SLC16A6: variants seen among roughly 807,000 people sequenced by gnomAD.
The protein encoded by SLC16A6 is monocarboxylate transporter 7.
In SLC16A6, 15 loss-of-function variants were observed where a neutral mutation model predicts 33.8. The ratio of observed to expected loss-of-function variants is 0.44; its 90% confidence interval spans 0.30 to 0.68. The LOEUF is 0.68. Among genes scored for constraint, SLC16A6 ranks in the 30% least tolerant of loss-of-function variants. The pLI is 0.10. For synonymous variants in SLC16A6, 219 were observed against 248.4 expected (o/e 0.88, Z 1.11); for missense variants, 451 against 661.5 (o/e 0.68, Z 3.49).
At chr17:68,283,568 C>T (rs1163264405) in intron 1 of SLC16A6, among the ~76,000 whole-genome samples, 2 of 151,626 alleles carry the variant, frequency 1.3e-5, no homozygotes, top group Admixed American at 1.3e-4. Context: ...CCTGTAATCC[C>T]AGCACACTTT....
At chr17:68,282,052 G>A (rs55904835) in intron 1 of SLC16A6, among the ~76,000 whole-genome samples, 2,256 of 152,200 alleles carry the variant, frequency 0.015, 55 homozygotes, top group African/African-American at 0.052. Context: ...ACATGCACAC[G>A]TATGTTTATT....
intron 1 of SLC16A6, 115 bp downstream of exon 1, chr17:68,290,971 T>G (rs1555755653): frequency 6.6e-6 from 1 of 152,060 alleles, no homozygotes; most frequent in Non-Finnish European, 1.5e-5. Context: ...GTGAAGATGT[T>G]CAGTGGTCTC....
At chr17:68,289,011 G>A (rs1555755016) in intron 1 of SLC16A6, among the ~76,000 whole-genome samples, 1 of 152,166 alleles carries the variant, frequency 6.6e-6, no homozygotes, top group East Asian at 1.9e-4. Flanking sequence ...CGGGCAGTTT[G>A]GAGGATTTCC....
Position 68,271,667 on chromosome 17 carries a change from G to T in SLC16A6, c.506-13C>A, listed in dbSNP as rs782663213. 14 of 1,603,024 alleles carry T rather than the reference G, an allele frequency of 8.7e-6. No individual in the cohort carries two copies. The South Asian group carries it at 1.5e-4, about 18-fold the overall frequency. On this transcript the variant is annotated splice_polypyrimidine_tract_variant and intron_variant, in intron 4 of 5. Coordinates refer to ENST00000580666, the MANE Select transcript of SLC16A6 (RefSeq NM_004694.5). The surrounding 1 kb of genome is among the most constrained non-coding windows in gnomAD (Gnocchi z 5.3). Reference sequence around the variant, plus strand: ...AGAGCCATGATTGCTTGAATAGGCAGGAGTGAAGAAGAAATAATATAAGGT... The same window carrying T: ...AGAGCCATGATTGCTTGAATAGGCATGAGTGAAGAAGAAATAATATAAGGT...
At chr17:68,280,709 T>C (rs1374093547) in intron 1 of SLC16A6, among the ~76,000 whole-genome samples, 4 of 152,180 alleles carry the variant, frequency 2.6e-5, no homozygotes, top group Non-Finnish European at 4.4e-5. Flanking sequence ...GGGGAAACAC[T>C]TTAGGACATT....
At chr17:68,277,199 T>C (rs2075551640) in intron 2 of SLC16A6, among the ~76,000 whole-genome samples, 1 of 152,054 alleles carries the variant, frequency 6.6e-6, no homozygotes, top group Non-Finnish European at 1.5e-5. Context: ...TGGCATGATC[T>C]GGGCTTACTG....
intron 5 of SLC16A6, 58 bp downstream of exon 5, chr17:68,270,781 C>A: frequency 7.0e-7 from 1 of 1,424,704 alleles, no homozygotes; most frequent in Non-Finnish European, 9.5e-7. Flanking sequence ...GAACAGGAAG[C>A]TAGCACAATT....
chr17:68,272,467 T>C (rs2075372848), intron 4 of SLC16A6, among the ~76,000 whole-genome samples, 172 bp downstream of exon 4: 1 of 152,010 alleles, frequency 6.6e-6, no homozygotes. Context: ...ATACCTAAAG[T>C]GGGGGTTAGG....
chr17:68,284,107 A>AC (rs2145149786), intron 1 of SLC16A6, among the ~76,000 whole-genome samples: 1 of 149,128 alleles, frequency 6.7e-6, no homozygotes, highest in South Asian at 2.1e-4. Flanking sequence ...CTGTCTCAAA[A>AC]AAAAAAAAAA....
chr17:68,274,082 G>T lies in SLC16A6; in HGVS notation c.233-12C>A. On this transcript the variant is annotated splice_polypyrimidine_tract_variant and intron_variant, in intron 2 of 5. Coordinates refer to ENST00000580666, the MANE Select transcript of SLC16A6 (RefSeq NM_004694.5). ...TGTGGCGAGGGGAGCTGCCGGGAAA[G>T]AACAAAACGATATTTTAACTCACAG... 1 of 1,608,896 alleles carries T rather than the reference G, an allele frequency of 6.2e-7. No homozygotes were observed.
In SLC16A6 at chr17:68,271,192, C is replaced by A. The variant is rs1831171567; in HGVS notation, c.968G>T (p.Gly323Val). 6.2e-7 allele frequency: 1 copy of A among 1,613,866 alleles called. No homozygotes were observed. The highest frequency in any genetic ancestry group is 1.1e-5 in the South Asian group (1 of 91,090). The stretch of plus-strand genomic sequence containing the variant: ...AAAAGCAGCGCGGTCCTGGTCAATG[C>A]CCAGACTAATGCCCAGAGGAATGAT... ...LYIIPLGISL[G>V]IDQDRAAFLL... is the part of the protein sequence containing the mutation. Residue 323 changes from glycine (G) to valine (V), a missense_variant, in exon 5 of 6, where the codon GGC (glycine) becomes GTC (valine). Physicochemically the swap from Gly to Val is moderately radical, Grantham distance 109. Transcript: ENST00000580666. The surrounding 1 kb of genome is among the most constrained non-coding windows in gnomAD (Gnocchi z 5.3).
At position 68,267,364 on chromosome 17, in the gene SLC16A6, A is replaced by T. The variant is rs2075189799; in HGVS notation, c.*1732T>A. Reference sequence around the variant, plus strand: ...ATTTGCTACATCCACCTTGTTTTAGATTATGCCTGTTTTTGACAGACACTT... The same window carrying T: ...ATTTGCTACATCCACCTTGTTTTAGTTTATGCCTGTTTTTGACAGACACTT... On this transcript the variant is annotated 3_prime_UTR_variant, in exon 6 of 6. Transcript: ENST00000580666. 6.6e-6 allele frequency: 1 copy of T among 152,156 alleles called. No homozygotes were observed. Among genetic ancestry groups the T allele is most frequent in the South Asian group, 2.1e-4 (1 of 4,834 alleles). 9.4% of individuals were successfully genotyped at this position (152,156 alleles called of 1,614,324 possible).
chr17:68,288,980 G>A (rs1313962814), intron 1 of SLC16A6, among the ~76,000 whole-genome samples: 2 of 152,182 alleles, frequency 1.3e-5, no homozygotes, highest in Admixed American at 6.5e-5. Flanking sequence ...TCTTCTGGAG[G>A]AAGTACAATG....
At chr17:68,270,723 TA>T in intron 5 of SLC16A6, 115 bp downstream of exon 5, 1 of 915,646 alleles carries the variant, frequency 1.1e-6, no homozygotes. Context: ...CTGGCAGCTC[TA>T]AAATTCAATG....
At chr17:68,276,252 C>G (rs1405369701) in intron 2 of SLC16A6, among the ~76,000 whole-genome samples, 1 of 151,770 alleles carries the variant, frequency 6.6e-6, no homozygotes, top group African/African-American at 2.4e-5. Context: ...CACCACCACA[C>G]CCGGCTAACG....
intron 1 of SLC16A6, among the ~76,000 whole-genome samples, chr17:68,285,906 C>T (rs1568418972): frequency 3.9e-5 from 6 of 151,988 alleles, no homozygotes. Context: ...ATTACAGACG[C>T]CCGCCACCAT....
chr17:68,274,784 CTTTTT>C (rs11342192), intron 2 of SLC16A6, among the ~76,000 whole-genome samples: 1 of 143,296 alleles, frequency 7.0e-6, no homozygotes. Context: ...TAGTTTCTTT[CTTTTT>C]TTTTTTTTGA....
chr17:68,282,779 T>TAAGAAAAAAAAAAAAA (rs2075734145), intron 1 of SLC16A6, among the ~76,000 whole-genome samples: 1 of 53,398 alleles, frequency 1.9e-5, no homozygotes, highest in East Asian at 5.2e-4. Context: ...CCATCTCTAC[T>TAAGAAAAAAAAAAAAA]AAAAAAAAAA....
chr17:68,279,540 G>A (rs2145080695), intron 1 of SLC16A6, among the ~76,000 whole-genome samples: 1 of 152,164 alleles, frequency 6.6e-6, no homozygotes, highest in Non-Finnish European at 1.5e-5. Flanking sequence ...CTAGAATATG[G>A]TGTCTAAATA....
Sources: allele counts gnomAD v4.1 joint callset (sites outside exome capture counted in the v4.1 genomes callset), GRCh38; gene constraint gnomAD v4.1.1; non-coding constraint Gnocchi (gnomAD v3.1); transcripts MANE v1.5; gene names NCBI Gene and HGNC (gene_info 2026-07-23, HGNC 2026-07-21).